The following DLG2 variants were observed in gnomAD, a reference collection of about 807,000 sequenced individuals.
The protein encoded by DLG2 is discs large MAGUK scaffold protein 2.
DLG2 carries 45 observed loss-of-function variants against 132.5 expected under a neutral mutation model. That is an observed-to-expected ratio of 0.34 (90% CI 0.27 to 0.44). The LOEUF (loss-of-function observed/expected upper bound fraction) is 0.44, where lower values mean the gene tolerates loss of function less well. Ranked by LOEUF, DLG2 falls within the 20% of genes least tolerant of loss-of-function variation. The pLI, the probability that DLG2 is intolerant of heterozygous loss-of-function variation, is 1.00. For missense variants in DLG2, 1,045 were observed against 1,196.9 expected, an observed-to-expected ratio of 0.87 and a Z score of 1.87; for synonymous variants, 424 against 419.6, an observed-to-expected ratio of 1.01 and a Z score of -0.13.
At chr11:84,658,968 C>T (rs1269791984) in intron 6 of DLG2, among the ~76,000 whole-genome samples, 1 of 152,134 alleles carries the variant, frequency 6.6e-6, no homozygotes, top group Non-Finnish European at 1.5e-5. Flanking sequence ...GGAACTGAGC[C>T]CTCACTAAAC....
intron 3 of DLG2, among the ~76,000 whole-genome samples, chr11:85,421,477 C>A (rs1240398836): frequency 6.6e-6 from 1 of 151,062 alleles, no homozygotes; most frequent in African/African-American, 2.4e-5. Context: ...ATAAGAATAG[C>A]TACTTCTGCT....
At chr11:84,115,405 T>C (rs1437757642) in intron 9 of DLG2, among the ~76,000 whole-genome samples, 1 of 152,186 alleles carries the variant, frequency 6.6e-6, no homozygotes, top group Non-Finnish European at 1.5e-5. Flanking sequence ...CTGGATTGTG[T>C]GCACTCCATT....
chr11:83,480,701 A>G (rs1276559584), intron 22 of DLG2: 2 of 1,344,142 alleles, frequency 1.5e-6, no homozygotes, highest in African/African-American at 2.9e-5. Context: ...GAAAAATACT[A>G]TGACCCATTC....
intron 7 of DLG2, among the ~76,000 whole-genome samples, chr11:84,425,353 G>A (rs1237858994): frequency 6.6e-6 from 1 of 152,090 alleles, no homozygotes; most frequent in Non-Finnish European, 1.5e-5. Flanking sequence ...AATCTGGATT[G>A]TATTGGAATT....
intron 16 of DLG2, among the ~76,000 whole-genome samples, chr11:83,844,729 G>T (rs543576733): frequency 7.9e-5 from 12 of 152,078 alleles, no homozygotes; most frequent in Middle Eastern, 3.4e-3. Context: ...CTGTGAGGTC[G>T]AGGTGATCTC....
chr11:84,672,876 C>T (rs1018881465), intron 6 of DLG2, among the ~76,000 whole-genome samples: 2 of 152,082 alleles, frequency 1.3e-5, no homozygotes, highest in Admixed American at 6.6e-5. Context: ...ATGCAGGAAG[C>T]ATGGCAGCAT....
chr11:83,903,237 C>T (rs986898134), intron 15 of DLG2, among the ~76,000 whole-genome samples: 19 of 151,708 alleles, frequency 1.3e-4, no homozygotes, highest in African/African-American at 4.6e-4. Flanking sequence ...ATAGTAAACT[C>T]CCTAATAATT....
chr11:83,708,606 T>A (rs1234645395), intron 18 of DLG2, among the ~76,000 whole-genome samples: 1 of 152,164 alleles, frequency 6.6e-6, no homozygotes, highest in Non-Finnish European at 1.5e-5. Flanking sequence ...TGTTTTATGG[T>A]CAAAAATTGC....
intron 6 of DLG2, among the ~76,000 whole-genome samples, chr11:84,759,696 A>G (rs2067345501): frequency 6.6e-6 from 1 of 152,156 alleles, no homozygotes. Flanking sequence ...CCCTTTTTTC[A>G]AAAGTGTTAG....
At chr11:85,547,807 G>T (rs762000112) in intron 3 of DLG2, among the ~76,000 whole-genome samples, 2 of 151,994 alleles carry the variant, frequency 1.3e-5, no homozygotes, top group African/African-American at 2.4e-5. Context: ...GCCTCATGAA[G>T]CTCTCCTGCT....
intron 4 of DLG2, among the ~76,000 whole-genome samples, chr11:85,204,733 C>A (rs2081740633): frequency 1.3e-5 from 2 of 151,886 alleles, no homozygotes; most frequent in Admixed American, 1.3e-4. Context: ...CAAAGCAATC[C>A]TGGGCAAAAA....
At chr11:83,967,393 A>G (rs1430986824) in intron 12 of DLG2, among the ~76,000 whole-genome samples, 2 of 152,100 alleles carry the variant, frequency 1.3e-5, no homozygotes, top group South Asian at 2.1e-4. Flanking sequence ...CCTCACTGAC[A>G]TTTGTTATTC....
chr11:83,833,959 A>T (rs985736729), intron 16 of DLG2, among the ~76,000 whole-genome samples, 189 bp from the exon 17 acceptor site: 3 of 152,270 alleles, frequency 2.0e-5, no homozygotes, highest in Non-Finnish European at 4.4e-5. Context: ...CCACTGCAAC[A>T]ACTACCAAAA....
intron 4 of DLG2, among the ~76,000 whole-genome samples, chr11:85,159,594 T>C (rs2077870870): frequency 6.6e-6 from 1 of 152,210 alleles, no homozygotes; most frequent in Non-Finnish European, 1.5e-5. Flanking sequence ...AGAAGGACAG[T>C]GGATTATCAT....
chr11:84,317,210 C>T, intron 7 of DLG2: 1 of 1,534,452 alleles, frequency 6.5e-7, no homozygotes, highest in Non-Finnish European at 8.7e-7. Context: ...CCCTCACACC[C>T]CTTTCTTCCA....
At chr11:84,183,780 G>T (rs898256099) in intron 8 of DLG2, among the ~76,000 whole-genome samples, 1 of 151,992 alleles carries the variant, frequency 6.6e-6, no homozygotes, top group African/African-American at 2.4e-5. Context: ...CTGTGTCCAT[G>T]TGTTCTCATT....
At chr11:85,209,595 C>T (rs1296649927) in intron 4 of DLG2, among the ~76,000 whole-genome samples, 10 of 116,922 alleles carry the variant, frequency 8.6e-5, no homozygotes, top group East Asian at 2.5e-4. Context: ...ACCCAGCTAA[C>T]TTTTTTTTTT....
At chr11:85,126,350 G>T (rs1007911193) in intron 5 of DLG2, among the ~76,000 whole-genome samples, 4 of 152,174 alleles carry the variant, frequency 2.6e-5, no homozygotes, top group Admixed American at 6.5e-5. Flanking sequence ...CTTTCAATAG[G>T]TTGCTGAGAG....
At chr11:84,577,681 A>C (rs1355090861) in intron 6 of DLG2, among the ~76,000 whole-genome samples, 1 of 152,234 alleles carries the variant, frequency 6.6e-6, no homozygotes, top group African/African-American at 2.4e-5. Context: ...GAAACGGAGC[A>C]TAAAAGTTCA....
Sources: allele counts gnomAD v4.1 joint callset (sites outside exome capture counted in the v4.1 genomes callset), GRCh38; gene constraint gnomAD v4.1.1; transcripts MANE v1.5; gene names NCBI Gene and HGNC (gene_info 2026-07-23, HGNC 2026-07-21).